Variants in HBS1L observed in about 807,000 individuals in gnomAD.
The protein encoded by HBS1L is HBS1 like translational GTPase.
Under a neutral mutation model 88.9 loss-of-function variants are expected in HBS1L, and 55 were observed. That is an observed-to-expected ratio of 0.62 (90% confidence interval 0.50 to 0.77). The LOEUF is 0.77. Among genes scored for constraint, HBS1L ranks in the 30% least tolerant of loss-of-function variants. The pLI is 0.00. For synonymous variants in HBS1L, 267 were observed against 288.5 expected, an observed-to-expected ratio of 0.93 and a Z score of 0.76; for missense variants, 741 against 829.3, an observed-to-expected ratio of 0.89 and a Z score of 1.31.
intron 4 of HBS1L, among the ~76,000 whole-genome samples, chr6:135,004,646 G>C (rs991587375): frequency 3.3e-5 from 5 of 152,072 alleles, no homozygotes; most frequent in Non-Finnish European, 7.4e-5. Context: ...GCAAAAGAGA[G>C]GGGAAAGGGC....
intron 16 of HBS1L, among the ~76,000 whole-genome samples, chr6:134,967,972 A>G (rs1774365074): frequency 6.6e-6 from 1 of 152,202 alleles, no homozygotes; most frequent in African/African-American, 2.4e-5. Flanking sequence ...ATAAAGATCT[A>G]CCTTTAGGAG....
chr6:134,990,260 C>T (rs555302958), intron 8 of HBS1L, among the ~76,000 whole-genome samples: 4 of 152,290 alleles, frequency 2.6e-5, no homozygotes, highest in South Asian at 4.1e-4. Flanking sequence ...ATGCCTACTA[C>T]GCATTCTCAA....
chr6:134,968,115 T>C (rs1562271241), intron 16 of HBS1L, among the ~76,000 whole-genome samples: 1 of 152,008 alleles, frequency 6.6e-6, no homozygotes, highest in Non-Finnish European at 1.5e-5. Flanking sequence ...GTGTAAAAGA[T>C]GAGGAACACC....
intron 17 of HBS1L, 24 bp from the exon 18 acceptor site, chr6:134,965,314 A>C: frequency 6.8e-7 from 1 of 1,463,266 alleles, no homozygotes; most frequent in Non-Finnish European, 9.5e-7. Context: ...AAAAAAAAAG[A>C]CATTTGCTGT....
At position 134,982,223 on chromosome 6, in the gene HBS1L, T is replaced by C. The variant is rs562025870; in HGVS notation, c.1597+235A>G. ...AGGCTTCTCAGATCTGTGTCAAAAA[T>C]AGAATGCTACTACAGTTAGAATGTT... On this transcript the variant is annotated intron_variant, in intron 13 of 17. Transcript: ENST00000367837. 15 of 411,056 alleles carry C rather than the reference T, an allele frequency of 3.6e-5. No homozygotes were observed. In the East Asian group the frequency reaches 5.1e-4, roughly 14 times the overall value. 25.5% of individuals were successfully genotyped at this position (411,056 alleles called of 1,614,324 possible). A position where few individuals can be genotyped will look rare whatever the true frequency, so the allele number is the denominator to read the frequency against.
At chr6:134,978,043 G>A (rs968096113) in intron 15 of HBS1L, among the ~76,000 whole-genome samples, 2 of 151,902 alleles carry the variant, frequency 1.3e-5, no homozygotes, top group Non-Finnish European at 2.9e-5. Flanking sequence ...CAACATGCAG[G>A]TTCTGAATGT....
At chr6:135,014,917 C>T (rs116338436) in intron 4 of HBS1L, among the ~76,000 whole-genome samples, 6 of 150,890 alleles carry the variant, frequency 4.0e-5, no homozygotes, top group Non-Finnish European at 8.8e-5. Context: ...CGCCTGTAGT[C>T]CTAGGTACTC....
Position 135,050,649 on chromosome 6 carries a change from TA to T in HBS1L, c.44-3del. 1 of 1,565,852 alleles carries T rather than the reference TA, an allele frequency of 6.4e-7. No individual in the cohort carries two copies. Among genetic ancestry groups the T allele is most frequent in the Non-Finnish European group, 8.7e-7 (1 of 1,147,986 alleles). On this transcript the variant is annotated splice_region_variant and splice_polypyrimidine_tract_variant and intron_variant, in intron 1 of 17. Transcript: ENST00000367837. ...CGTAGAGATCATCATCTTCAAAATC[TA>T]AAATAAAGACAAAAGAGATAAATTC...
intron 15 of HBS1L, among the ~76,000 whole-genome samples, chr6:134,976,393 A>C (rs528219391): frequency 6.6e-6 from 1 of 152,204 alleles, no homozygotes; most frequent in African/African-American, 2.4e-5. Context: ...TTGATCCAGC[A>C]GTCTCACTAC....
intron 4 of HBS1L, among the ~76,000 whole-genome samples, chr6:135,031,510 G>C (rs9321481): frequency 0.49 from 74,275 of 151,790 alleles, 18,447 homozygotes; most frequent in South Asian, 0.56. Context: ...CAGGTGAAGA[G>C]AGATGAACCA....
At chr6:134,999,867 A>AT (rs754764283) in intron 5 of HBS1L, among the ~76,000 whole-genome samples, 1 of 152,144 alleles carries the variant, frequency 6.6e-6, no homozygotes, top group Non-Finnish European at 1.5e-5. Flanking sequence ...AGTAAAAAAA[A>AT]CTTCTGCATA....
intron 4 of HBS1L, chr6:135,037,677 G>A (rs368845864): frequency 8.6e-5 from 133 of 1,550,430 alleles, no homozygotes; most frequent in African/African-American, 2.2e-4. Flanking sequence ...TCAACAAATC[G>A]GCATCTAGGT....
chr6:134,997,870 G>A (rs556016120), intron 5 of HBS1L, among the ~76,000 whole-genome samples: 94 of 152,162 alleles, frequency 6.2e-4, no homozygotes, highest in African/African-American at 2.0e-3. Context: ...GAGAAAAACT[G>A]TACCAAAAAT....
chr6:134,970,022 T>C (rs1774436161), intron 15 of HBS1L, among the ~76,000 whole-genome samples: 1 of 152,208 alleles, frequency 6.6e-6, no homozygotes, highest in South Asian at 2.1e-4. Flanking sequence ...CATTGTATGA[T>C]ATGATTTATG....
At chr6:135,016,349 A>G (rs1479090891) in intron 4 of HBS1L, among the ~76,000 whole-genome samples, 1 of 152,252 alleles carries the variant, frequency 6.6e-6, no homozygotes, top group Non-Finnish European at 1.5e-5. Flanking sequence ...TAATATACAT[A>G]GTTAAAGCCT....
chr6:135,014,526 T>C (rs1437846587), intron 4 of HBS1L, among the ~76,000 whole-genome samples: 4 of 152,130 alleles, frequency 2.6e-5, no homozygotes, highest in African/African-American at 9.7e-5. Flanking sequence ...CCACAACCAC[T>C]GTGACTGCAG....
At position 135,014,851 on chromosome 6, in the gene HBS1L, C is replaced by CAA. The variant is rs57153800; in HGVS notation, c.431-12011_431-12010dup. Among the ~76,000 whole-genome samples the CAA allele has an allele frequency of 2.7e-3, 234 of 85,202 alleles. 2 individuals carry two copies. Among genetic ancestry groups the CAA allele is most frequent in the African/African-American group, 5.9e-3 (130 of 22,010 alleles). 55.9% of individuals were successfully genotyped at this position (85,202 alleles called of 152,430 possible). A position where few individuals can be genotyped will look rare whatever the true frequency, so the allele number is the denominator to read the frequency against. On this transcript the variant is annotated intron_variant, in intron 4 of 17. Coordinates refer to ENST00000367837, the MANE Select transcript of HBS1L (RefSeq NM_006620.4). ...GGGCAACACGGAGAAACTGTCTCTA[C>CAA]AAAAAAAAAAAAAAAAAAAAAAACC...
At chr6:135,031,629 G>C (rs1776386528) in intron 4 of HBS1L, among the ~76,000 whole-genome samples, 1 of 151,912 alleles carries the variant, frequency 6.6e-6, no homozygotes, top group East Asian at 1.9e-4. Context: ...AAAGGTGTCA[G>C]CTTTGAAGGG....
intron 11 of HBS1L, 89 bp downstream of exon 11, chr6:134,985,977 A>G: frequency 1.5e-6 from 1 of 685,896 alleles, no homozygotes; most frequent in East Asian, 2.6e-5. Context: ...ATGCTTTTTC[A>G]TACGTGTGAC....
Sources: allele counts gnomAD v4.1 joint callset (sites outside exome capture counted in the v4.1 genomes callset), GRCh38; gene constraint gnomAD v4.1.1; transcripts MANE v1.5; gene names NCBI Gene and HGNC (gene_info 2026-07-23, HGNC 2026-07-21).